SYNE2: variants seen among roughly 807,000 people sequenced by gnomAD.
The protein encoded by SYNE2 is nesprin-2.
A neutral mutation model predicts 856.3 loss-of-function variants in SYNE2; 431 were observed. That is an observed-to-expected ratio of 0.50 (90% CI 0.47 to 0.55). The LOEUF is 0.55. SYNE2 is among the 20% of genes least tolerant of loss of function. The probability of loss-of-function intolerance (pLI) is 0.00; values close to 1 mark genes in which losing one functional copy is unlikely to be tolerated. For synonymous variants in SYNE2, 2,923 were observed against 2,872.3 expected (o/e 1.02, Z -0.56); for missense variants, 8,129 against 8,023.2 (o/e 1.01, Z -0.50).
intron 1 of SYNE2, among the ~76,000 whole-genome samples, chr14:63,804,691 T>A (rs1459561582): frequency 6.6e-6 from 1 of 152,044 alleles, no homozygotes; most frequent in Non-Finnish European, 1.5e-5. Context: ...TGGGCGTTTC[T>A]CCATGTTGGT....
In SYNE2 at chr14:63,929,067, G is replaced by A. The variant is rs924545925; in HGVS notation, c.80-11547G>A. 1.7e-4 allele frequency among the ~76,000 whole-genome samples: 26 copies of A among 152,100 alleles called. No homozygotes were observed. In the South Asian group the frequency reaches 2.5e-3, roughly 15 times the overall value. The stretch of plus-strand genomic sequence containing the variant: ...GCTCTGGTTCCTGACACAGAGCTCC[G>A]AAAGCCCTTGGAATTTCCTGGGTGA... On this transcript the variant is annotated intron_variant, in intron 2 of 115. Coordinates refer to ENST00000555002, the MANE Select transcript of SYNE2 (RefSeq NM_182914.3).
At chr14:64,087,325 G>A (rs985911416) in intron 57 of SYNE2, 1 of 468,868 alleles carries the variant, frequency 2.1e-6, no homozygotes, top group Non-Finnish European at 4.2e-6. Flanking sequence ...AGGTGGCTGA[G>A]CTATTTTGAC....
chr14:64,070,803 ACTT>A lies in SYNE2; in HGVS notation c.10595_10597del (p.Leu3532del). On this transcript the variant is annotated inframe_deletion, in exon 52 of 116. Transcript: ENST00000555002. ...AGAAGCAACAGCTGTTACTGACTCTACTTCTTCAGCGCATCAGAAGTATCCAGA... is the reference window on the plus strand; with the variant it reads ...AGAAGCAACAGCTGTTACTGACTCTACTTCAGCGCATCAGAAGTATCCAGA... 1 of 1,614,196 alleles carries A rather than the reference ACTT, an allele frequency of 6.2e-7. No individual in the cohort carries two copies. The highest frequency in any genetic ancestry group is 8.5e-7 in the Non-Finnish European group (1 of 1,180,038).
rs750133263 is a variant in SYNE2, at chr14:63,995,103, A to G, written c.2841A>G (p.Gly947=). Residue 947 remains glycine, a synonymous_variant, in exon 23 of 116, where the codon GGA becomes GGG. Transcript: ENST00000555002. ...VQQLKIDIEK[G]KLSDNILKLE... is the part of the protein sequence containing the mutation. ...AACTAAAAATAGATATTGAAAAAGG[A>G]AAGCTTAGTGACAATATTTTAAAAC... 34 of 1,587,988 alleles carry G rather than the reference A, an allele frequency of 2.1e-5. No individual in the cohort carries two copies. In the East Asian group the frequency reaches 7.0e-4, roughly 33 times the overall value.
chr14:63,977,128 C>G (rs1029823991), intron 12 of SYNE2, among the ~76,000 whole-genome samples: 42 of 151,946 alleles, frequency 2.8e-4, no homozygotes, highest in Admixed American at 2.4e-3. Context: ...GAAAATACAC[C>G]AATAAATAAA....
chr14:64,081,610 CAT>C (rs1179822887), intron 57 of SYNE2, 30 bp downstream of exon 57: 1 of 1,612,124 alleles, frequency 6.2e-7, no homozygotes, highest in Non-Finnish European at 8.5e-7. Flanking sequence ...TTCTGCCACT[CAT>C]AGCATCTACA....
At chr14:64,157,652 A>G (rs1202579325) in intron 85 of SYNE2, among the ~76,000 whole-genome samples, 2 of 152,206 alleles carry the variant, frequency 1.3e-5, no homozygotes, top group Non-Finnish European at 2.9e-5. Flanking sequence ...TTGAGGAACT[A>G]TCTAGCTGTT....
At chr14:64,159,495 T>C (rs2098311752) in intron 87 of SYNE2, 53 bp downstream of exon 87, 36 of 1,599,882 alleles carry the variant, frequency 2.3e-5, no homozygotes, top group Non-Finnish European at 3.0e-5. Context: ...TAATGACTTG[T>C]GAAGAATGAG....
intron 45 of SYNE2, among the ~76,000 whole-genome samples, chr14:64,032,434 C>G (rs1012483451): frequency 6.6e-6 from 1 of 152,162 alleles, no homozygotes; most frequent in African/African-American, 2.4e-5. Flanking sequence ...TGACAGTGCA[C>G]ATCTGTTATC....
intron 21 of SYNE2, among the ~76,000 whole-genome samples, chr14:63,992,940 A>C (rs1394593565): frequency 1.3e-5 from 2 of 152,106 alleles, no homozygotes; most frequent in Admixed American, 1.3e-4. Flanking sequence ...CTTCTCCCGG[A>C]GTTATTCATC....
At chr14:63,895,864 C>A (rs912283507) in intron 1 of SYNE2, among the ~76,000 whole-genome samples, 1 of 150,680 alleles carries the variant, frequency 6.6e-6, no homozygotes, top group Non-Finnish European at 1.5e-5. Context: ...TTTCAACATG[C>A]TACATACTAA....
In SYNE2 at chr14:64,164,871, TTTTTTTGTTTG is replaced by T. The variant is rs1232971049; in HGVS notation, c.16480-410_16480-400del. Among the ~76,000 whole-genome samples the T allele has an allele frequency of 4.2e-4, 63 of 151,316 alleles. No individual in the cohort carries two copies. In the East Asian group the frequency reaches 7.3e-3, roughly 18 times the overall value. On this transcript the variant is annotated intron_variant, in intron 89 of 115. Coordinates refer to ENST00000555002, the MANE Select transcript of SYNE2 (RefSeq NM_182914.3). ...AATTTACTTTTTTTTATTTTTTGTTTTTTTTTGTTTGTTTGTTTGTTTGTTTGAGACAGGGA... is the reference window on the plus strand; with the variant it reads ...AATTTACTTTTTTTTATTTTTTGTTTTTTGTTTGTTTGTTTGAGACAGGGA...
intron 60 of SYNE2, among the ~76,000 whole-genome samples, chr14:64,092,157 A>G (rs2097624713): frequency 6.6e-6 from 1 of 152,228 alleles, no homozygotes; most frequent in Non-Finnish European, 1.5e-5. Context: ...GTGCTTTATT[A>G]GTCTCCTGGT....
intron 112 of SYNE2, among the ~76,000 whole-genome samples, chr14:64,222,521 A>C (rs955242904): frequency 6.6e-6 from 1 of 152,216 alleles, no homozygotes; most frequent in East Asian, 1.9e-4. Flanking sequence ...TCTGGCCAAC[A>C]TGGTGAAACC....
chr14:64,122,575 C>T (rs1439931178), intron 70 of SYNE2, 148 bp downstream of exon 70: 1 of 1,030,520 alleles, frequency 9.7e-7, no homozygotes, highest in Non-Finnish European at 1.5e-6. Context: ...TCTTGGAAAC[C>T]TGCATTAGGA....
At chr14:64,044,356 AC>A in intron 45 of SYNE2, among the ~76,000 whole-genome samples, 1 of 152,224 alleles carries the variant, frequency 6.6e-6, no homozygotes, top group East Asian at 1.9e-4. Context: ...CAATACCTGT[AC>A]CCCCATTGTA....
chr14:64,050,236 C>T (rs147295453), intron 47 of SYNE2, among the ~76,000 whole-genome samples: 3 of 152,262 alleles, frequency 2.0e-5, no homozygotes, highest in East Asian at 1.9e-4. Context: ...TCTGGAGTCT[C>T]TTTTATAAGG....
chr14:63,975,405 T>C (rs968598873), intron 11 of SYNE2, among the ~76,000 whole-genome samples: 77 of 152,310 alleles, frequency 5.1e-4, no homozygotes, highest in Non-Finnish European at 1.2e-4. Context: ...TGATCATGGC[T>C]CACTGTAGCC....
At chr14:64,118,773 A>T (rs1355479203) in intron 66 of SYNE2, among the ~76,000 whole-genome samples, 2 of 151,600 alleles carry the variant, frequency 1.3e-5, no homozygotes, top group Non-Finnish European at 2.9e-5. Context: ...AGGCAGGAGA[A>T]TTACTTGAAC....
Sources: allele counts gnomAD v4.1 joint callset (sites outside exome capture counted in the v4.1 genomes callset), GRCh38; gene constraint gnomAD v4.1.1; transcripts MANE v1.5; gene names NCBI Gene and HGNC (gene_info 2026-07-23, HGNC 2026-07-21).